BCAS3: variants seen among roughly 807,000 people sequenced by gnomAD.
The protein encoded by BCAS3 is BCAS3 microtubule associated cell migration factor.
A neutral mutation model predicts 116.1 loss-of-function variants in BCAS3; 53 were observed. The ratio of observed to expected loss-of-function variants is 0.46; its 90% CI spans 0.37 to 0.57. The LOEUF is 0.57. Among genes scored for constraint, BCAS3 ranks in the 20% least tolerant of loss-of-function variants. BCAS3 has a pLI of 0.00. For missense variants in BCAS3, 917 were observed against 1,165.4 expected (o/e 0.79, Z 3.10); for synonymous variants, 391 against 408.2 (o/e 0.96, Z 0.51).
intron 7 of BCAS3, among the ~76,000 whole-genome samples, chr17:60,815,655 A>G (rs2049313724): frequency 1.3e-5 from 2 of 152,212 alleles, no homozygotes; most frequent in South Asian, 4.1e-4. Flanking sequence ...TATAGGTGAT[A>G]CGAGGAACCA....
chr17:60,743,112 C>CAA (rs528323733), intron 5 of BCAS3, among the ~76,000 whole-genome samples: 28 of 68,066 alleles, frequency 4.1e-4, no homozygotes, highest in African/African-American at 6.5e-4. Context: ...GACTCCTTCT[C>CAA]AAAAAAAAAA....
intron 6 of BCAS3, among the ~76,000 whole-genome samples, chr17:60,761,215 A>T (rs975466257): frequency 1.3e-5 from 2 of 151,906 alleles, no homozygotes; most frequent in African/African-American, 4.8e-5. Context: ...GATTTTATGA[A>T]TTTTTTTATT....
intron 19 of BCAS3, among the ~76,000 whole-genome samples, chr17:61,058,348 T>C (rs2069605046): frequency 6.6e-6 from 1 of 152,244 alleles, no homozygotes; most frequent in African/African-American, 2.4e-5. Flanking sequence ...TTGTCTTTTA[T>C]ACTACGCTTT....
rs1412452871 is a variant in BCAS3 at position 61,199,578 on chromosome 17, T to G, written c.2425+115014T>G. 6.6e-6 allele frequency among the ~76,000 whole-genome samples: 1 copy of G among 152,234 alleles called. No homozygotes were observed. Among genetic ancestry groups the G allele is most frequent in the Non-Finnish European group, 1.5e-5 (1 of 68,048 alleles). On this transcript the variant is annotated intron_variant, in intron 22 of 23. Coordinates refer to ENST00000407086, the MANE Select transcript of BCAS3 (RefSeq NM_017679.5). This position sits in a 1 kb window ranked among gnomAD's most constrained non-coding sequence, Gnocchi z 4.6. ...ACTGCACCTTGTGAAAGGTTAGAACTGGGATAATAACTGTGATGAACAAGT... is the reference window on the plus strand; with the variant it reads ...ACTGCACCTTGTGAAAGGTTAGAACGGGGATAATAACTGTGATGAACAAGT...
rs80277680 is a variant in BCAS3, at chr17:61,041,202, T to C, written c.2029+310T>C. Reference sequence around the variant, plus strand: ...ACCACCTGAAAATGCTAGGATATAATAAAAAGTTTCATAAAGCTTGGAATC... The same window carrying C: ...ACCACCTGAAAATGCTAGGATATAACAAAAAGTTTCATAAAGCTTGGAATC... On this transcript the variant is annotated intron_variant, in intron 19 of 23. Transcript: ENST00000407086. The surrounding 1 kb of genome is among the most constrained non-coding windows in gnomAD (Gnocchi z 4.7). 3.6e-3 allele frequency among the ~76,000 whole-genome samples: 541 copies of C among 150,880 alleles called. 10 individuals carry two copies. In the East Asian group the frequency reaches 0.076, roughly 21 times the overall value.
At chr17:61,209,785 C>T (rs2081348235) in intron 22 of BCAS3, among the ~76,000 whole-genome samples, 1 of 152,194 alleles carries the variant, frequency 6.6e-6, no homozygotes, top group African/African-American at 2.4e-5. Flanking sequence ...CTTTCATTTC[C>T]TGCCAGCATT....
At chr17:60,958,037 G>A (rs1031978116) in intron 14 of BCAS3, among the ~76,000 whole-genome samples, 2 of 152,242 alleles carry the variant, frequency 1.3e-5, no homozygotes, top group Non-Finnish European at 2.9e-5. Context: ...GAACAAATGA[G>A]AGGATGCCTA....
rs559759091 is a variant in BCAS3 at position 61,208,289 on chromosome 17, C to T, written c.2425+123725C>T. On this transcript the variant is annotated intron_variant, in intron 22 of 23. Transcript: ENST00000407086. This position sits in a 1 kb window ranked among gnomAD's most constrained non-coding sequence, Gnocchi z 4.5. Reference sequence around the variant, plus strand: ...GTTTCATTTTGTCTAAAGCGGGACTCTTCTCCTCCCAGGGACCAGAGAATT... The same window carrying T: ...GTTTCATTTTGTCTAAAGCGGGACTTTTCTCCTCCCAGGGACCAGAGAATT... 2.6e-5 allele frequency among the ~76,000 whole-genome samples: 4 copies of T among 152,288 alleles called. No homozygotes were observed. The South Asian group carries it at 8.3e-4, about 32-fold the overall frequency.
At chr17:61,206,755 C>A (rs1009952081) in intron 22 of BCAS3, among the ~76,000 whole-genome samples, 1 of 132,888 alleles carries the variant, frequency 7.5e-6, no homozygotes, top group Non-Finnish European at 1.5e-5. Context: ...GAGCCAAGAT[C>A]TCGCCATTGC....
intron 22 of BCAS3, among the ~76,000 whole-genome samples, chr17:61,305,940 T>C (rs2053820378): frequency 6.6e-6 from 1 of 152,200 alleles, no homozygotes; most frequent in Non-Finnish European, 1.5e-5. Context: ...TTCCCCTGTC[T>C]TGATCCCCTG....
At chr17:61,194,449 T>C (rs959912145) in intron 22 of BCAS3, among the ~76,000 whole-genome samples, 22 of 151,726 alleles carry the variant, frequency 1.4e-4, no homozygotes, top group East Asian at 2.0e-4. Flanking sequence ...CATAAAGATA[T>C]ACTAACTAAG....
At chr17:60,793,057 A>G (rs765459396) in intron 6 of BCAS3, among the ~76,000 whole-genome samples, 5 of 152,068 alleles carry the variant, frequency 3.3e-5, no homozygotes, top group Non-Finnish European at 5.9e-5. Context: ...ATGTTGTAGC[A>G]TGTGACAGGA....
rs936916436 is a variant in BCAS3, at chr17:61,215,689, A to G, written c.2425+131125A>G. Among the ~76,000 whole-genome samples the G allele has an allele frequency of 3.3e-5, 5 of 152,190 alleles. No homozygotes were observed. Among genetic ancestry groups the G allele is most frequent in the African/African-American group, 9.7e-5 (4 of 41,446 alleles). On this transcript the variant is annotated intron_variant, in intron 22 of 23. Coordinates refer to ENST00000407086, the MANE Select transcript of BCAS3 (RefSeq NM_017679.5). This position sits in a 1 kb window ranked among gnomAD's most constrained non-coding sequence, Gnocchi z 4.8. ...CCAATTTCCATCTCTTTTCACATTT[A>G]CCTCCTTAATTTGCTAACCCCTCAG...
At chr17:61,040,183 T>C (rs2067392447) in intron 18 of BCAS3, among the ~76,000 whole-genome samples, 1 of 152,230 alleles carries the variant, frequency 6.6e-6, no homozygotes, top group African/African-American at 2.4e-5. Flanking sequence ...AATATTCTTG[T>C]ATTGATTTTT....
rs991549760 is a variant in BCAS3 at position 61,247,999 on chromosome 17, G to A, written c.2426-120328G>A. On this transcript the variant is annotated intron_variant, in intron 22 of 23. Transcript: ENST00000407086. The stretch of plus-strand genomic sequence containing the variant: ...CATTGGAACTTTGTTCCTACCAGTT[G>A]TGGGTTTACAAAAAGGAGTTGGGGT... Among the ~76,000 whole-genome samples, 6 of 152,206 alleles carry A rather than the reference G, an allele frequency of 3.9e-5. No individual in the cohort carries two copies. The East Asian group carries it at 1.2e-3, about 29-fold the overall frequency.
intron 13 of BCAS3, among the ~76,000 whole-genome samples, chr17:60,939,343 G>A (rs2060107491): frequency 6.6e-6 from 1 of 152,086 alleles, no homozygotes. Flanking sequence ...TGAGACAGGA[G>A]AATCACTTGA....
At position 61,347,524 on chromosome 17, in the gene BCAS3, A is replaced by T. The variant is rs2057572861; in HGVS notation, c.2426-20803A>T. Among the ~76,000 whole-genome samples the T allele has an allele frequency of 6.6e-6, 1 of 152,204 alleles. No homozygotes were observed. Among genetic ancestry groups the T allele is most frequent in the South Asian group, 2.1e-4 (1 of 4,834 alleles). ...ACTGTGCTGTGCACTGGGGACAGAG[A>T]TCTAAAAAATGAAAAGCCAGATGCT... On this transcript the variant is annotated intron_variant, in intron 22 of 23. Transcript: ENST00000407086. This position sits in a 1 kb window ranked among gnomAD's most constrained non-coding sequence, Gnocchi z 4.3.
intron 3 of BCAS3, among the ~76,000 whole-genome samples, chr17:60,688,490 T>G (rs1483873723): frequency 6.6e-6 from 1 of 151,908 alleles, no homozygotes; most frequent in Non-Finnish European, 1.5e-5. Flanking sequence ...ATGAGGTTTC[T>G]CCATGTTGCC....
intron 7 of BCAS3, among the ~76,000 whole-genome samples, chr17:60,808,618 C>T (rs575788357): frequency 1.3e-5 from 2 of 152,242 alleles, no homozygotes; most frequent in East Asian, 3.9e-4. Context: ...CAAATTTCTT[C>T]AAGTGTAAAT....
Sources: allele counts gnomAD v4.1 joint callset (sites outside exome capture counted in the v4.1 genomes callset), GRCh38; gene constraint gnomAD v4.1.1; non-coding constraint Gnocchi (gnomAD v3.1); transcripts MANE v1.5; gene names NCBI Gene and HGNC (gene_info 2026-07-23, HGNC 2026-07-21).